The following DMD variants were observed in gnomAD, a reference collection of about 807,000 sequenced individuals.
DMD encodes mutant dystrophin.
A neutral mutation model predicts 330.1 loss-of-function variants in DMD; 63 were observed. The ratio of observed to expected loss-of-function variants is 0.19; its 90% confidence interval spans 0.16 to 0.24. The LOEUF (loss-of-function observed/expected upper bound fraction) is 0.24. Among genes scored for constraint, DMD ranks in the 10% least tolerant of loss-of-function variants. The pLI is 1.00. For synonymous variants in DMD, 1,223 were observed against 959.8 expected (o/e 1.27, Z -5.07); for missense variants, 3,344 against 2,684.1 (o/e 1.25, Z -5.43).
chrX:32,199,770 C>T (rs749363084), intron 44 of DMD, among the ~76,000 whole-genome samples: 5 of 93,608 alleles, frequency 5.3e-5, no homozygotes, highest in South Asian at 5.1e-4. Flanking sequence ...AGCGCCACCA[C>T]GCAAGGCTTT....
chrX:31,241,983 G>C (rs773121298), intron 63 of DMD, among the ~76,000 whole-genome samples: 1 of 110,927 alleles, frequency 9.0e-6, no homozygotes, highest in African/African-American at 3.3e-5. Flanking sequence ...GTGGCCAGGC[G>C]CGGTGGCTCA....
chrX:32,641,179 A>C (rs2059422472), intron 11 of DMD, among the ~76,000 whole-genome samples: 1 of 110,335 alleles, frequency 9.1e-6, no homozygotes, highest in African/African-American at 3.3e-5. Flanking sequence ...CCTCCCCTCA[A>C]CCATTCTCTA....
chrX:32,683,392 C>T (rs112239462), intron 9 of DMD, among the ~76,000 whole-genome samples: 4,360 of 109,404 alleles, frequency 0.04, 243 homozygotes, highest in African/African-American at 0.14. Context: ...TGGAATCAAC[C>T]CAAATGTCCA....
At chrX:32,017,109 G>A (rs186067345) in intron 44 of DMD, among the ~76,000 whole-genome samples, 8 of 111,545 alleles carry the variant, frequency 7.2e-5, no homozygotes, top group Non-Finnish European at 1.3e-4. Flanking sequence ...TTCCATTTAC[G>A]GGCTTCTTCC....
At chrX:32,469,953 A>T (rs765661253) in intron 22 of DMD, among the ~76,000 whole-genome samples, 1 of 111,421 alleles carries the variant, frequency 9.0e-6, no homozygotes, top group South Asian at 3.7e-4. Context: ...CATGGAAATT[A>T]TATTAATGTT....
At chrX:32,404,653 C>T (rs2098107376) in intron 30 of DMD, among the ~76,000 whole-genome samples, 1 of 110,969 alleles carries the variant, frequency 9.0e-6, no homozygotes, top group Non-Finnish European at 1.9e-5. Context: ...TCTTACATAT[C>T]AAAGATTCAA....
chrX:31,141,234 C>A (rs1473565724), intron 76 of DMD, among the ~76,000 whole-genome samples: 4 of 111,683 alleles, frequency 3.6e-5, no homozygotes, highest in African/African-American at 9.8e-5. Context: ...ACAACAACAA[C>A]AAAACCAGAA....
chrX:33,255,373 T>C (rs1211261731), intron 1 of DMD, among the ~76,000 whole-genome samples: 2 of 110,990 alleles, frequency 1.8e-5, no homozygotes, highest in Non-Finnish European at 3.8e-5. Flanking sequence ...GGAATAACAA[T>C]GCTAAAGGAG....
intron 64 of DMD, among the ~76,000 whole-genome samples, chrX:31,210,972 G>A (rs185106998): frequency 8.9e-6 from 1 of 111,989 alleles, no homozygotes; most frequent in Admixed American, 9.5e-5. Flanking sequence ...AAACAGACAT[G>A]GTGGTGGAAG....
At chrX:32,933,971 A>C (rs1462653649) in intron 2 of DMD, among the ~76,000 whole-genome samples, 1 of 111,432 alleles carries the variant, frequency 9.0e-6, no homozygotes, top group Non-Finnish European at 1.9e-5. Context: ...CTTTCTGACT[A>C]TTCTGCTTCA....
chrX:32,971,764 C>T (rs890675133), intron 2 of DMD, among the ~76,000 whole-genome samples: 2 of 109,837 alleles, frequency 1.8e-5, no homozygotes, highest in African/African-American at 6.6e-5. Flanking sequence ...GAGACACACA[C>T]ATATATATAT....
At chrX:32,752,848 C>A (rs1392924259) in intron 7 of DMD, among the ~76,000 whole-genome samples, 2 of 110,354 alleles carry the variant, frequency 1.8e-5, no homozygotes, top group Non-Finnish European at 3.8e-5. Flanking sequence ...AGTTTCCCTG[C>A]ACAAGCTTTC....
intron 44 of DMD, among the ~76,000 whole-genome samples, chrX:32,124,316 G>A (rs757391313): frequency 6.2e-4 from 70 of 112,194 alleles, no homozygotes; most frequent in African/African-American, 2.1e-3. Context: ...AAGAAATGAC[G>A]GAACCATGAT....
At chrX:31,178,431 GGT>G in intron 70 of DMD, 1 of 917,394 alleles carries the variant, frequency 1.1e-6, no homozygotes, top group Non-Finnish European at 1.3e-6. Context: ...ATTGTGTTGT[GGT>G]TTTTTTTTTT....
chrX:32,029,061 T>G (rs1293924), intron 44 of DMD, among the ~76,000 whole-genome samples: 4,875 of 110,765 alleles, frequency 0.044, 102 homozygotes, highest in Non-Finnish European at 0.05. Context: ...GCAGCTTTTC[T>G]GAAGAGAAAC....
chrX:31,749,586 T>C (rs2088276329), intron 51 of DMD, among the ~76,000 whole-genome samples: 1 of 110,868 alleles, frequency 9.0e-6, no homozygotes, highest in Non-Finnish European at 1.9e-5. Flanking sequence ...CTATTGTAAA[T>C]AGTGCCTCAA....
At chrX:31,487,548 G>C (rs1432122305) in intron 57 of DMD, among the ~76,000 whole-genome samples, 1 of 111,872 alleles carries the variant, frequency 8.9e-6, no homozygotes, top group East Asian at 2.8e-4. Flanking sequence ...GTTAACTATA[G>C]GCACAATGTT....
At chrX:33,114,258 C>A (rs1336866460) in intron 1 of DMD, among the ~76,000 whole-genome samples, 1 of 108,309 alleles carries the variant, frequency 9.2e-6, no homozygotes, top group Non-Finnish European at 1.9e-5. Context: ...TACAGATGCC[C>A]ACCACCACGC....
chrX:31,272,961 C>T (rs1277801176), intron 62 of DMD, among the ~76,000 whole-genome samples: 2 of 111,648 alleles, frequency 1.8e-5, no homozygotes, highest in Non-Finnish European at 3.8e-5. Context: ...CAGTCTACTA[C>T]AAGAGAGAAT....
Sources: allele counts gnomAD v4.1 joint callset (sites outside exome capture counted in the v4.1 genomes callset), GRCh38; gene constraint gnomAD v4.1.1; transcripts MANE v1.5; gene names NCBI Gene and HGNC (gene_info 2026-07-23, HGNC 2026-07-21).